PKHD1: variants seen among roughly 807,000 people sequenced by gnomAD.
The protein encoded by PKHD1 is PKHD1 ciliary IPT domain containing fibrocystin/polyductin.
A neutral mutation model predicts 412.0 loss-of-function variants in PKHD1; 291 were observed. The ratio of observed to expected loss-of-function variants is 0.71; its 90% CI spans 0.64 to 0.78. The LOEUF (loss-of-function observed/expected upper bound fraction) is 0.78. Among genes scored for constraint, PKHD1 ranks in the 30% least tolerant of loss-of-function variants. The probability of loss-of-function intolerance (pLI) is 0.00; values close to 1 mark genes in which losing one functional copy is unlikely to be tolerated. For missense variants in PKHD1, 4,825 were observed against 4,950.7 expected, an observed-to-expected ratio of 0.97 and a Z score of 0.76; for synonymous variants, 1,777 against 1,821.5, an observed-to-expected ratio of 0.98 and a Z score of 0.62.
At chr6:52,012,953 G>A (rs753209060) in intron 34 of PKHD1, among the ~76,000 whole-genome samples, 4 of 152,176 alleles carry the variant, frequency 2.6e-5, no homozygotes, top group African/African-American at 4.8e-5. Context: ...AAGCTTAGTT[G>A]TCTAAATTTC....
At chr6:51,904,981 T>C (rs1454088328) in intron 41 of PKHD1, among the ~76,000 whole-genome samples, 1 of 152,164 alleles carries the variant, frequency 6.6e-6, no homozygotes, top group Non-Finnish European at 1.5e-5. Flanking sequence ...ACCCTTAGTT[T>C]TTGTCTTTTA....
At chr6:51,705,049 G>C (rs990283317) in intron 60 of PKHD1, among the ~76,000 whole-genome samples, 8 of 152,040 alleles carry the variant, frequency 5.3e-5, no homozygotes, top group Admixed American at 3.3e-4. Flanking sequence ...GGTCAGAAGA[G>C]GGCTTGAAGA....
intron 60 of PKHD1, among the ~76,000 whole-genome samples, chr6:51,695,620 C>T (rs1010156359): frequency 2.0e-5 from 3 of 152,062 alleles, no homozygotes; most frequent in Non-Finnish European, 2.9e-5. Flanking sequence ...GTTTACCTGA[C>T]ACTCAAAAAC....
intron 43 of PKHD1, among the ~76,000 whole-genome samples, chr6:51,903,209 C>A (rs888285141): frequency 2.0e-5 from 3 of 152,122 alleles, no homozygotes. Context: ...TTGTTTAATG[C>A]AAAATTATAA....
At chr6:51,775,963 T>C (rs780898005) in intron 53 of PKHD1, 42 bp from the exon 54 acceptor site, 3 of 941,380 alleles carry the variant, frequency 3.2e-6, no homozygotes, top group Admixed American at 3.4e-5. Context: ...CAATTTGAAA[T>C]TAAAAGAAAG....
intron 37 of PKHD1, among the ~76,000 whole-genome samples, chr6:51,931,485 C>T (rs974510704): frequency 3.9e-5 from 6 of 152,170 alleles, no homozygotes; most frequent in African/African-American, 7.2e-5. Context: ...TATACCACCA[C>T]GCTGGAGGGG....
chr6:51,755,157 A>T (rs1464760463), intron 55 of PKHD1, among the ~76,000 whole-genome samples: 1 of 152,216 alleles, frequency 6.6e-6, no homozygotes, highest in Non-Finnish European at 1.5e-5. Context: ...TTACAGAGAC[A>T]GTGAAGATAT....
chr6:52,023,058 G>A, intron 32 of PKHD1, 114 bp from the exon 33 acceptor site: 1 of 1,237,552 alleles, frequency 8.1e-7, no homozygotes, highest in South Asian at 1.3e-5. Flanking sequence ...CACATCCTCA[G>A]AATCCGCACA....
At chr6:51,716,473 T>C (rs1781269994) in intron 60 of PKHD1, among the ~76,000 whole-genome samples, 1 of 152,192 alleles carries the variant, frequency 6.6e-6, no homozygotes, top group Admixed American at 6.5e-5. Flanking sequence ...GTGCCCATTC[T>C]CACTTCAGGG....
chr6:52,014,950 A>AT (rs1800338366), intron 34 of PKHD1, among the ~76,000 whole-genome samples: 1 of 152,212 alleles, frequency 6.6e-6, no homozygotes, highest in Non-Finnish European at 1.5e-5. Context: ...GGAAAAACAC[A>AT]TAAAAACTCA....
intron 57 of PKHD1, among the ~76,000 whole-genome samples, chr6:51,752,217 G>A (rs1434532312): frequency 6.6e-6 from 1 of 152,134 alleles, no homozygotes. Flanking sequence ...ATCTAGAGCA[G>A]GGTTCTCAAC....
At chr6:51,705,531 A>G (rs1779916730) in intron 60 of PKHD1, among the ~76,000 whole-genome samples, 2 of 152,124 alleles carry the variant, frequency 1.3e-5, no homozygotes, top group African/African-American at 4.8e-5. Flanking sequence ...GCACAAGTAG[A>G]GACCCTGTAT....
intron 8 of PKHD1, 87 bp downstream of exon 8, chr6:52,072,028 G>C: frequency 1.2e-6 from 1 of 812,952 alleles, no homozygotes; most frequent in Non-Finnish European, 2.2e-6. Flanking sequence ...TGGTGAGTGG[G>C]GAGAGAAAGA....
intron 63 of PKHD1, among the ~76,000 whole-genome samples, chr6:51,646,866 G>C (rs1336507881): frequency 3.9e-5 from 6 of 152,088 alleles, no homozygotes. Context: ...GTTCACTCTT[G>C]CCATTCTCCA....
intron 35 of PKHD1, among the ~76,000 whole-genome samples, chr6:51,983,287 G>A (rs1228304231): frequency 6.6e-6 from 1 of 152,154 alleles, no homozygotes; most frequent in Non-Finnish European, 1.5e-5. Context: ...TGCTTGTATT[G>A]ATATTTTAAT....
In PKHD1 at chr6:51,938,969, C is replaced by T. The variant is rs114447193; in HGVS notation, c.5909-4647G>A. ...TCCTTTTCTGGTGATGCAGAAGATG[C>T]GTTTTATCCATGGACCCAAAACTCT... On this transcript the variant is annotated intron_variant, in intron 36 of 66. Transcript: ENST00000371117. 9.8e-3 allele frequency among the ~76,000 whole-genome samples: 1,486 copies of T among 151,674 alleles called. 36 individuals are homozygous for T. Among genetic ancestry groups the T allele is most frequent in the Middle Eastern group, 0.041 (12 of 294 alleles).
At chr6:51,891,633 G>A (rs763069933) in intron 43 of PKHD1, among the ~76,000 whole-genome samples, 3 of 151,806 alleles carry the variant, frequency 2.0e-5, no homozygotes, top group African/African-American at 7.3e-5. Context: ...CACTGGCAGT[G>A]ATAATATAGC....
chr6:52,010,981 G>C (rs1799743674), intron 34 of PKHD1, among the ~76,000 whole-genome samples: 1 of 152,034 alleles, frequency 6.6e-6, no homozygotes, highest in Non-Finnish European at 1.5e-5. Context: ...GCTCATTTAG[G>C]CTTGCAATTC....
chr6:52,068,093 T>G (rs535775636), intron 11 of PKHD1, among the ~76,000 whole-genome samples: 5 of 152,308 alleles, frequency 3.3e-5, no homozygotes, highest in African/African-American at 1.2e-4. Context: ...AAATTTTAGA[T>G]GAATTCCAAG....
Sources: allele counts gnomAD v4.1 joint callset (sites outside exome capture counted in the v4.1 genomes callset), GRCh38; gene constraint gnomAD v4.1.1; transcripts MANE v1.5; gene names NCBI Gene and HGNC (gene_info 2026-07-23, HGNC 2026-07-21).